The following CDC23 variants were observed in gnomAD, a reference collection of about 807,000 sequenced individuals.
CDC23 encodes cell division cycle protein 23 homolog.
In CDC23, 26 loss-of-function variants were observed where a neutral mutation model predicts 81.7. That is an observed-to-expected ratio of 0.32 (90% confidence interval 0.23 to 0.44). CDC23 has a LOEUF of 0.44. Among genes scored for constraint, CDC23 ranks in the 20% least tolerant of loss-of-function variants. CDC23 has a pLI of 1.00. For synonymous variants in CDC23, 267 were observed against 270.8 expected (o/e 0.99, Z 0.14); for missense variants, 519 against 728.0 (o/e 0.71, Z 3.30).
intron 9 of CDC23, among the ~76,000 whole-genome samples, chr5:138,194,210 G>T (rs1754858317): frequency 6.6e-6 from 1 of 152,154 alleles, no homozygotes; most frequent in Non-Finnish European, 1.5e-5. Context: ...TAATGGATGG[G>T]AGGCTGAGGT....
intron 9 of CDC23, among the ~76,000 whole-genome samples, chr5:138,195,551 A>AT (rs539858867): frequency 3.7e-5 from 4 of 106,768 alleles, no homozygotes; most frequent in East Asian, 5.0e-4. Context: ...TATATAATAT[A>AT]ATTATATATA....
rs1442927239 is a variant in CDC23, at chr5:138,202,098, G to A, written c.415+15C>T. On this transcript the variant is annotated intron_variant, in intron 4 of 15. Coordinates refer to ENST00000394886, the MANE Select transcript of CDC23 (RefSeq NM_004661.4). ...CTGCTTTTTAGGTCAAAAGGTAAAA[G>A]AAAAAAATTCGTACCTAAGCTATCA... 6.2e-7 allele frequency: 1 copy of A among 1,603,850 alleles called. No homozygotes were observed. Among genetic ancestry groups the A allele is most frequent in the Admixed American group, 1.7e-5 (1 of 58,506 alleles).
intron 9 of CDC23, among the ~76,000 whole-genome samples, chr5:138,194,353 G>A (rs569211031): frequency 4.6e-5 from 7 of 152,110 alleles, no homozygotes; most frequent in East Asian, 1.9e-4. Flanking sequence ...GCTGAGGCAG[G>A]AGAAAGCTTG....
chr5:138,202,899 C>G (rs1171822115), intron 3 of CDC23, among the ~76,000 whole-genome samples: 1 of 152,088 alleles, frequency 6.6e-6, no homozygotes, highest in Non-Finnish European at 1.5e-5. Flanking sequence ...GTATGAGGAG[C>G]AAGATATCTG....
intron 3 of CDC23, among the ~76,000 whole-genome samples, chr5:138,205,124 G>A (rs1003715207): frequency 7.2e-5 from 11 of 151,866 alleles, no homozygotes; most frequent in African/African-American, 1.7e-4. Flanking sequence ...CATGCCGCCC[G>A]GGCTTCCTTT....
chr5:138,204,809 C>T (rs1440068790), intron 3 of CDC23, among the ~76,000 whole-genome samples: 2 of 151,852 alleles, frequency 1.3e-5, no homozygotes, highest in Non-Finnish European at 2.9e-5. Context: ...TTAGTAGAGA[C>T]GGGGTTTCAC....
chr5:138,206,823 G>C, intron 2 of CDC23, 139 bp from the exon 3 acceptor site: 1 of 449,536 alleles, frequency 2.2e-6, no homozygotes, highest in Non-Finnish European at 3.7e-6. Flanking sequence ...ATATGTAGAT[G>C]CATATATATA....
chr5:138,192,469 C>T (rs1754837588), intron 10 of CDC23, 35 bp downstream of exon 10: 3 of 1,613,208 alleles, frequency 1.9e-6, no homozygotes, highest in Non-Finnish European at 2.5e-6. Flanking sequence ...CTAACCACAG[C>T]AATCTGCTCT....
Position 138,188,869 on chromosome 5 carries a change from TG to T in CDC23, c.*108del, listed in dbSNP as rs1754788304. On this transcript the variant is annotated 3_prime_UTR_variant, in exon 16 of 16. Transcript: ENST00000394886. ...CTGTCCCTATGGAGCTGTTGCCATC[TG>T]TAGAAACAAGAAGAGCTGAGGTCCT... 1.9e-6 allele frequency: 2 copies of T among 1,055,372 alleles called. No individual in the cohort carries two copies. The highest frequency in any genetic ancestry group is 2.7e-6 in the Non-Finnish European group (2 of 740,182). The allele number at this position is 1,055,372 out of a possible 1,614,324, so 65.4% of individuals were successfully genotyped here. A position where few individuals can be genotyped will look rare whatever the true frequency, so the allele number is the denominator to read the frequency against.
intron 3 of CDC23, among the ~76,000 whole-genome samples, chr5:138,202,437 C>T (rs960732536): frequency 2.0e-5 from 3 of 152,216 alleles, no homozygotes; most frequent in Admixed American, 2.0e-4. Flanking sequence ...GCACCCGCCA[C>T]CACGCCTGGC....
rs765542018 is a variant in CDC23, at chr5:138,213,251, G to A, written c.62C>T (p.Ser21Phe). The change falls in exon 1 of 16, where the codon TCC (serine) becomes TTC (phenylalanine). Residue 21 changes from serine to phenylalanine, a missense_variant. Transcript: ENST00000394886. Reference sequence around the variant, plus strand: ...CAAATCTGAGAAATCGCTGTTTATGGACAGGACAGGCGCCACTGCCGCCGT... The same window carrying A: ...CAAATCTGAGAAATCGCTGTTTATGAACAGGACAGGCGCCACTGCCGCCGT... ...AVTAAVAPVL[S>F]INSDFSDLRE... 14 of 1,613,962 alleles carry A rather than the reference G, an allele frequency of 8.7e-6. No individual in the cohort carries two copies. In the East Asian group the frequency reaches 2.7e-4, roughly 31 times the overall value.
intron 3 of CDC23, among the ~76,000 whole-genome samples, chr5:138,203,831 T>C (rs751318143): frequency 3.2e-4 from 49 of 152,114 alleles, no homozygotes; most frequent in Non-Finnish European, 5.4e-4. Flanking sequence ...GAGAATCGCT[T>C]GAACCTGGGA....
In CDC23 at chr5:138,213,269, G is replaced by A; in HGVS notation, c.44C>T (p.Ala15Val). The change falls in exon 1 of 16, where the codon GCA becomes GTA. Residue 15 changes from alanine (A) to valine (V), a missense_variant. Coordinates refer to ENST00000394886, the MANE Select transcript of CDC23 (RefSeq NM_004661.4). ...TSMVPVAVTAAVAPVLSINSD... is the reference protein window; with the variant it reads ...TSMVPVAVTAVVAPVLSINSD... ...GTTTATGGACAGGACAGGCGCCACT[G>A]CCGCCGTCACAGCCACCGGGACCAT... 1.2e-6 allele frequency: 2 copies of A among 1,613,934 alleles called. No individual in the cohort carries two copies. The highest frequency in any genetic ancestry group is 1.7e-6 in the Non-Finnish European group (2 of 1,180,030).
At chr5:138,195,674 ATG>A in intron 9 of CDC23, among the ~76,000 whole-genome samples, 1 of 113,060 alleles carries the variant, frequency 8.8e-6, no homozygotes, top group Non-Finnish European at 1.7e-5. Flanking sequence ...TATTTTATAT[ATG>A]CATATATACA....
rs564747655 is a variant in CDC23 at position 138,197,474 on chromosome 5, C to T, written c.1012+725G>A. 1.1e-4 allele frequency among the ~76,000 whole-genome samples: 17 copies of T among 150,376 alleles called. 1 individual carries two copies. The South Asian group carries it at 2.5e-3, about 22-fold the overall frequency. ...AGTTTTGGCAAGCAAACAATATAGACGTAACATGTAATACATATTTATTTT... is the reference window on the plus strand; with the variant it reads ...AGTTTTGGCAAGCAAACAATATAGATGTAACATGTAATACATATTTATTTT... On this transcript the variant is annotated intron_variant, in intron 9 of 15. Coordinates refer to ENST00000394886, the MANE Select transcript of CDC23 (RefSeq NM_004661.4).
At chr5:138,212,564 C>T (rs964355493) in intron 2 of CDC23, among the ~76,000 whole-genome samples, 1 of 152,166 alleles carries the variant, frequency 6.6e-6, no homozygotes, top group Non-Finnish European at 1.5e-5. Flanking sequence ...GATCCGCCCA[C>T]CTCGGCCTCC....
At chr5:138,202,025 C>T in intron 4 of CDC23, 88 bp downstream of exon 4, 4 of 876,484 alleles carry the variant, frequency 4.6e-6, no homozygotes, top group Non-Finnish European at 5.6e-6. Flanking sequence ...TATCCTCAGA[C>T]CATTCATATT....
At position 138,198,710 on chromosome 5, in the gene CDC23, A is replaced by G; in HGVS notation, c.727T>C (p.Leu243=). Residue 243 remains leucine (L), a synonymous_variant, in exon 7 of 16, where the codon TTG becomes CTG. Coordinates refer to ENST00000394886, the MANE Select transcript of CDC23 (RefSeq NM_004661.4). ...TACTTTTGCAGGGCCTCCTCTATCA[A>G]CTGCAACTCTGTGTATATATGAGCC... ...FLAHIYTELQ[L]IEEALQKYQN... is the part of the protein sequence containing the mutation. 1 of 1,614,160 alleles carries G rather than the reference A, an allele frequency of 6.2e-7. No homozygotes were observed. The highest frequency in any genetic ancestry group is 8.5e-7 in the Non-Finnish European group (1 of 1,180,018).
intron 3 of CDC23, among the ~76,000 whole-genome samples, chr5:138,202,770 A>G (rs966896624): frequency 1.7e-4 from 26 of 152,360 alleles, no homozygotes; most frequent in African/African-American, 6.0e-4. Flanking sequence ...TAGAATGCCA[A>G]GCGTTGAGTA....
Sources: gnomAD v4.1 joint callset for allele counts (sites outside exome capture counted in the v4.1 genomes callset) on GRCh38, gnomAD v4.1.1 for gene constraint, MANE v1.5 for transcripts, NCBI Gene and HGNC (gene_info 2026-07-23, HGNC 2026-07-21) for gene names.